Variants in COL22A1 observed in about 807,000 individuals in gnomAD.
The protein encoded by COL22A1 is collagen alpha-1(XXII) chain.
COL22A1 carries 221 observed loss-of-function variants against 248.9 expected under a neutral mutation model. The observed-to-expected ratio is 0.89, with a 90% CI of 0.80 to 0.99. COL22A1 has a LOEUF of 0.99. COL22A1 is among the 50% of genes least tolerant of loss of function. The pLI is 0.00. For synonymous variants in COL22A1, 891 were observed against 793.4 expected, an observed-to-expected ratio of 1.12 and a Z score of -2.07; for missense variants, 2,240 against 2,179.0, an observed-to-expected ratio of 1.03 and a Z score of -0.56.
At chr8:138,782,797 C>G (rs1815137365) in intron 12 of COL22A1, among the ~76,000 whole-genome samples, 1 of 152,172 alleles carries the variant, frequency 6.6e-6, no homozygotes, top group Admixed American at 6.5e-5. Flanking sequence ...TGTCCGTTCT[C>G]CCAGTGACCC....
chr8:138,638,939 A>G (rs4909818), intron 47 of COL22A1, among the ~76,000 whole-genome samples: 125,058 of 152,034 alleles, frequency 0.82, 53,007 homozygotes, highest in East Asian at 0.96. Context: ...TCCTACTCCA[A>G]CGTAGGTCAG....
chr8:138,705,243 C>A (rs1396141515), intron 30 of COL22A1, among the ~76,000 whole-genome samples: 4 of 152,136 alleles, frequency 2.6e-5, no homozygotes, highest in African/African-American at 7.2e-5. Context: ...CCCAACTTAG[C>A]GAGGCAGGCC....
At chr8:138,823,472 T>C (rs1024015630) in intron 6 of COL22A1, among the ~76,000 whole-genome samples, 17 of 152,184 alleles carry the variant, frequency 1.1e-4, no homozygotes, top group Non-Finnish European at 1.5e-4. Context: ...AGAGGAGTGA[T>C]TCAGCTCACT....
At chr8:138,693,434 G>A in intron 35 of COL22A1, among the ~76,000 whole-genome samples, 1 of 152,286 alleles carries the variant, frequency 6.6e-6, no homozygotes, top group African/African-American at 2.4e-5. Flanking sequence ...TCATTCGCTG[G>A]GCATGTGGAC....
chr8:138,675,540 A>T (rs1427145872), intron 41 of COL22A1, among the ~76,000 whole-genome samples: 1 of 152,230 alleles, frequency 6.6e-6, no homozygotes, highest in Non-Finnish European at 1.5e-5. Flanking sequence ...ACAATAATAC[A>T]TGGGTAGTTT....
intron 23 of COL22A1, among the ~76,000 whole-genome samples, chr8:138,730,004 C>T (rs1377776365): frequency 1.3e-5 from 2 of 152,156 alleles, no homozygotes; most frequent in Admixed American, 6.5e-5. Context: ...AGGACCTGGA[C>T]GTGAGGGCCT....
At chr8:138,610,204 C>T (rs1460012721) in intron 56 of COL22A1, among the ~76,000 whole-genome samples, 1 of 152,210 alleles carries the variant, frequency 6.6e-6, no homozygotes, top group Non-Finnish European at 1.5e-5. Flanking sequence ...ACCTGTCTCA[C>T]AGGGTTTGGG....
intron 4 of COL22A1, among the ~76,000 whole-genome samples, chr8:138,837,549 CCAGG>C (rs1323087017): frequency 6.6e-5 from 10 of 152,318 alleles, no homozygotes; most frequent in African/African-American, 2.4e-4. Flanking sequence ...CTCTGGGCTC[CCAGG>C]CAGGCCCAGT....
At chr8:138,769,559 C>T (rs962202496) in intron 16 of COL22A1, among the ~76,000 whole-genome samples, 1 of 152,122 alleles carries the variant, frequency 6.6e-6, no homozygotes. Flanking sequence ...GGGGACTCCA[C>T]CACCACCCTG....
chr8:138,652,335 G>C (rs1212105675), intron 45 of COL22A1, among the ~76,000 whole-genome samples: 1 of 152,206 alleles, frequency 6.6e-6, no homozygotes, highest in East Asian at 1.9e-4. Context: ...TGATAAATGA[G>C]ACAATTAATG....
At chr8:138,643,945 A>T (rs1164447371) in intron 47 of COL22A1, among the ~76,000 whole-genome samples, 1 of 151,954 alleles carries the variant, frequency 6.6e-6, no homozygotes, top group Non-Finnish European at 1.5e-5. Flanking sequence ...CCATCCCTGG[A>T]TAATTTTTGT....
intron 48 of COL22A1, among the ~76,000 whole-genome samples, chr8:138,635,591 T>C (rs1017252488): frequency 5.3e-5 from 8 of 152,186 alleles, no homozygotes; most frequent in African/African-American, 1.2e-4. Context: ...AGGAGTCTAT[T>C]GCATATTATA....
chr8:138,701,024 G>T (rs1827923550), intron 31 of COL22A1, among the ~76,000 whole-genome samples: 1 of 147,986 alleles, frequency 6.8e-6, no homozygotes, highest in Non-Finnish European at 1.5e-5. Flanking sequence ...CTTCTCAGGT[G>T]TCATGCTTTC....
intron 12 of COL22A1, among the ~76,000 whole-genome samples, chr8:138,786,713 G>A (rs148151202): frequency 1.2e-3 from 188 of 152,204 alleles, no homozygotes; most frequent in African/African-American, 4.2e-3. Context: ...AGACCATCTC[G>A]GCCAACACAG....
chr8:138,782,854 C>T (rs1815147726), intron 12 of COL22A1, among the ~76,000 whole-genome samples: 1 of 152,188 alleles, frequency 6.6e-6, no homozygotes, highest in South Asian at 2.1e-4. Context: ...CACCAGCGCA[C>T]CTGTGGCCTG....
chr8:138,830,494 T>C (rs1819956648), intron 5 of COL22A1, among the ~76,000 whole-genome samples: 1 of 152,224 alleles, frequency 6.6e-6, no homozygotes, highest in African/African-American at 2.4e-5. Context: ...TGAAAGAGCT[T>C]TGCCAATTTG....
intron 45 of COL22A1, among the ~76,000 whole-genome samples, chr8:138,651,676 A>C (rs2130571644): frequency 6.6e-6 from 1 of 152,178 alleles, no homozygotes; most frequent in East Asian, 1.9e-4. Flanking sequence ...CTCTTATTGT[A>C]CTCTAAGATG....
intron 4 of COL22A1, among the ~76,000 whole-genome samples, chr8:138,838,232 G>A (rs1044160136): frequency 2.0e-5 from 3 of 152,136 alleles, no homozygotes; most frequent in Non-Finnish European, 4.4e-5. Flanking sequence ...AGGGCCACCT[G>A]AGGAATCTCA....
intron 4 of COL22A1, among the ~76,000 whole-genome samples, chr8:138,835,538 G>A (rs192448416): frequency 2.0e-5 from 3 of 152,276 alleles, no homozygotes; most frequent in Non-Finnish European, 2.9e-5. Context: ...TTCCTGACCC[G>A]CCAGCTGCTT....
Sources: gnomAD v4.1 joint callset for allele counts (sites outside exome capture counted in the v4.1 genomes callset) on GRCh38, gnomAD v4.1.1 for gene constraint, MANE v1.5 for transcripts, NCBI Gene and HGNC (gene_info 2026-07-23, HGNC 2026-07-21) for gene names.